Variants in SYAP1 observed in about 807,000 individuals in gnomAD.
SYAP1 encodes synapse-associated protein 1.
SYAP1 carries 3 observed loss-of-function variants against 29.6 expected under a neutral mutation model. That is an observed-to-expected ratio of 0.10 (90% CI 0.05 to 0.26). The LOEUF (loss-of-function observed/expected upper bound fraction) is 0.26, where lower values mean the gene tolerates loss of function less well. Among genes scored for constraint, SYAP1 ranks in the 10% least tolerant of loss-of-function variants. The pLI is 1.00. For synonymous variants in SYAP1, 102 were observed against 102.7 expected (o/e 0.99, Z 0.04); for missense variants, 217 against 264.1 (o/e 0.82, Z 1.24).
At chrX:16,752,364 G>GATTATT (rs202245644) in intron 5 of SYAP1, among the ~76,000 whole-genome samples, 8,531 of 95,992 alleles carry the variant, frequency 0.089, 344 homozygotes, top group Non-Finnish European at 0.12. Flanking sequence ...GTTATCAATG[G>GATTATT]ATTATTATTA....
intron 4 of SYAP1, 73 bp downstream of exon 4, chrX:16,741,862 A>G: frequency 1.4e-6 from 1 of 734,257 alleles, no homozygotes; most frequent in Non-Finnish European, 2.0e-6. Context: ...ATGTGACTTT[A>G]GTAGAATTTA....
intron 4 of SYAP1, among the ~76,000 whole-genome samples, chrX:16,742,143 G>GTTTTTTTTTTTTTTTTTTTTTT (rs144175479): frequency 1.4e-4 from 6 of 41,863 alleles, no homozygotes; most frequent in African/African-American, 6.6e-4. Context: ...TTTTTGTGTG[G>GTTTTTTTTTTTTTTTTTTTTTT]TTTTTTTTTT....
intron 5 of SYAP1, among the ~76,000 whole-genome samples, chrX:16,744,169 T>G (rs1192832912): frequency 2.7e-5 from 3 of 112,774 alleles, no homozygotes; most frequent in Non-Finnish European, 3.7e-5. Flanking sequence ...CTGACTGCAT[T>G]TTCCATTCAG....
rs113147262 is a variant in SYAP1, at chrX:16,743,586, A to G, written c.436-115A>G. ...GAGGTGGAGGTTGCAGTGAGCCGAG[A>G]TTGCACCACTGCACTCTAGCCTGGG... On this transcript the variant is annotated intron_variant, in intron 4 of 8. Transcript: ENST00000380155. 0.017 allele frequency: 11,687 copies of G among 677,820 alleles called. 960 individuals are homozygous for G. The African/African-American group carries it at 0.23, about 13-fold the overall frequency. 55.9% of individuals were successfully genotyped at this position (677,820 alleles called of 1,213,427 possible).
At position 16,746,177 on chromosome X, in the gene SYAP1, C is replaced by CAA. The variant is rs11307737; in HGVS notation, c.575+2357_575+2358dup. 2.6e-3 allele frequency among the ~76,000 whole-genome samples: 163 copies of CAA among 63,860 alleles called. 1 individual carries two copies. Among genetic ancestry groups the CAA allele is most frequent in the Non-Finnish European group, 4.0e-3 (141 of 35,329 alleles). 55.5% of individuals were successfully genotyped at this position (63,860 alleles called of 115,157 possible). On this transcript the variant is annotated intron_variant, in intron 5 of 8. Transcript: ENST00000380155. Reference sequence around the variant, plus strand: ...CCCATAAGAAAAGTATGTTTTATGGCAAAAAAAAAAAAAAAAAAAAATCTC... The same window carrying CAA: ...CCCATAAGAAAAGTATGTTTTATGGCAAAAAAAAAAAAAAAAAAAAAAATCTC...
chrX:16,764,970 A>C lies in SYAP1; in HGVS notation c.*4611A>C, dbSNP rs1002797535. 2.7e-5 allele frequency: 3 copies of C among 112,155 alleles called. No individual in the cohort carries two copies. In the South Asian group the frequency reaches 1.1e-3, roughly 41 times the overall value. 9.2% of individuals were successfully genotyped at this position (112,155 alleles called of 1,213,427 possible). ...CTCGGCCTTCCAAAGTGCTGGGATTACAGGCATGATGAGCCACTGCACCTG... is the reference window on the plus strand; with the variant it reads ...CTCGGCCTTCCAAAGTGCTGGGATTCCAGGCATGATGAGCCACTGCACCTG... On this transcript the variant is annotated 3_prime_UTR_variant, in exon 9 of 9. Transcript: ENST00000380155.
In SYAP1 at chrX:16,757,149, T is replaced by C. The variant is rs772080351; in HGVS notation, c.784-13T>C. 15 of 1,208,490 alleles carry C rather than the reference T, an allele frequency of 1.2e-5. No homozygotes were observed. Among genetic ancestry groups the C allele is most frequent in the Middle Eastern group, 2.3e-4 (1 of 4,365 alleles). On this transcript the variant is annotated splice_polypyrimidine_tract_variant and intron_variant, in intron 7 of 8. Transcript: ENST00000380155. ...TAGCAAACCATTTCAAGAGCTCATT[T>C]GTTGCATTTCAGGATGAGGAAGAAA...
chrX:16,719,828 C>A lies in SYAP1; in HGVS notation c.104C>A (p.Ala35Asp). The A allele has an allele frequency of 8.3e-7, 1 of 1,198,307 alleles. No individual in the cohort carries two copies. ...CCCGAGCAGCCGTCCGAGACGGTGG[C>A]TGAGTCTGCGGAGGAGGAGCTGCAG... Reference protein sequence around the residue: ...APPEQPSETVAESAEEELQQA... With the variant: ...APPEQPSETVDESAEEELQQA... Residue 35 changes from alanine to aspartate, a missense_variant, in exon 1 of 9, where the codon GCT becomes GAT. Ala to Asp is a moderately radical substitution (Grantham distance 126, BLOSUM62 -2). Transcript: ENST00000380155.
At position 16,719,749 on chromosome X, in the gene SYAP1, T is replaced by C; in HGVS notation, c.25T>C (p.Leu9=). Residue 9 remains leucine, a synonymous_variant, in exon 1 of 9, where the codon TTG becomes CTG. Coordinates refer to ENST00000380155, the MANE Select transcript of SYAP1 (RefSeq NM_032796.4). The part of the protein sequence containing the change: MFRGLSSW[L]GLQQPVAGGG... ...GATGTTCCGGGGCTTGAGCAGTTGG[T>C]TGGGCTTGCAGCAGCCGGTGGCAGG... is the stretch of plus-strand genomic sequence containing the variant. The C allele has an allele frequency of 8.3e-7, 1 of 1,206,050 alleles. No individual in the cohort carries two copies. Among genetic ancestry groups the C allele is most frequent in the South Asian group, 1.8e-5 (1 of 56,194 alleles).
intron 1 of SYAP1, among the ~76,000 whole-genome samples, chrX:16,723,877 G>A (rs772567606): frequency 5.4e-5 from 6 of 111,807 alleles, no homozygotes; most frequent in South Asian, 3.7e-4. Context: ...CTGAGGCAGC[G>A]TGGGATTGGA....
intron 5 of SYAP1, among the ~76,000 whole-genome samples, chrX:16,749,903 TC>T (rs1407920388): frequency 2.6e-5 from 2 of 77,466 alleles, no homozygotes; most frequent in African/African-American, 1.3e-4. Context: ...AGAGGGAGAC[TC>T]CATCTCAAAA....
intron 5 of SYAP1, among the ~76,000 whole-genome samples, chrX:16,748,894 C>T (rs1602332946): frequency 9.2e-6 from 1 of 108,301 alleles, no homozygotes; most frequent in Admixed American, 1.0e-4. Context: ...GTAGCTGGGA[C>T]TACAGGCGCA....
chrX:16,739,537 C>T (rs1218121583), intron 3 of SYAP1, among the ~76,000 whole-genome samples: 3 of 95,030 alleles, frequency 3.2e-5, no homozygotes, highest in African/African-American at 8.3e-5. Context: ...AGTGCAGTGG[C>T]ACCTTCTCAG....
chrX:16,721,630 C>G (rs1010832128), intron 1 of SYAP1, among the ~76,000 whole-genome samples: 4 of 111,712 alleles, frequency 3.6e-5, no homozygotes, highest in African/African-American at 9.7e-5. Flanking sequence ...TGGGTTCAAG[C>G]AATTCTCCTG....
chrX:16,732,463 G>A (rs1329710659), intron 1 of SYAP1, among the ~76,000 whole-genome samples: 3 of 107,384 alleles, frequency 2.8e-5, no homozygotes, highest in South Asian at 8.2e-4. Flanking sequence ...TAGTAGAGAC[G>A]GGGTTTCACC....
At position 16,761,762 on chromosome X, in the gene SYAP1, A is replaced by C. The variant is rs764473080; in HGVS notation, c.*1403A>C. The C allele has an allele frequency of 8.9e-6, 1 of 112,161 alleles. No individual in the cohort carries two copies. The highest frequency in any genetic ancestry group is 2.8e-4 in the East Asian group (1 of 3,601). The allele number at this position is 112,161 out of a possible 1,213,427, so 9.2% of individuals were successfully genotyped here. A position where few individuals can be genotyped will look rare whatever the true frequency, so the allele number is the denominator to read the frequency against. Reference sequence around the variant, plus strand: ...AACTTCCTAAGCATTTGCTCCCCAAACCTTTCATGTTTTTCAAGAAGCCTT... The same window carrying C: ...AACTTCCTAAGCATTTGCTCCCCAACCCTTTCATGTTTTTCAAGAAGCCTT... On this transcript the variant is annotated 3_prime_UTR_variant, in exon 9 of 9. Transcript: ENST00000380155.
intron 6 of SYAP1, 120 bp from the exon 7 acceptor site, chrX:16,756,541 CAT>C: frequency 1.7e-6 from 1 of 600,827 alleles, no homozygotes; most frequent in East Asian, 3.7e-5. Flanking sequence ...GAAAGCATAA[CAT>C]AAAAATTCAT....
chrX:16,740,031 A>C (rs1030900056), intron 3 of SYAP1, among the ~76,000 whole-genome samples: 1 of 110,741 alleles, frequency 9.0e-6, no homozygotes, highest in African/African-American at 3.3e-5. Context: ...CATGGGAGAG[A>C]TCTTCAGACG....
chrX:16,748,053 A>G (rs1370460458), intron 5 of SYAP1, among the ~76,000 whole-genome samples: 1 of 110,245 alleles, frequency 9.1e-6, no homozygotes, highest in Non-Finnish European at 1.9e-5. Context: ...ATTGCACTCC[A>G]GCCTAGGCAA....
Sources: gnomAD v4.1 joint callset for allele counts (sites outside exome capture counted in the v4.1 genomes callset) on GRCh38, gnomAD v4.1.1 for gene constraint, MANE v1.5 for transcripts, NCBI Gene and HGNC (gene_info 2026-07-23, HGNC 2026-07-21) for gene names.